Variants in CATSPERB observed in about 807,000 individuals in gnomAD.
CATSPERB encodes catsper channel auxiliary subunit beta, also known as cation channel sperm-associated auxiliary subunit beta.
Under a neutral mutation model 128.3 loss-of-function variants are expected in CATSPERB, and 93 were observed. The observed-to-expected ratio is 0.72, with a 90% confidence interval of 0.61 to 0.86. CATSPERB has a LOEUF of 0.86. Ranked by LOEUF, CATSPERB falls within the 40% of genes least tolerant of loss-of-function variation. CATSPERB has a pLI of 0.00. For synonymous variants in CATSPERB, 381 were observed against 448.8 expected (o/e 0.85, Z 1.91); for missense variants, 1,153 against 1,329.5 (o/e 0.87, Z 2.06).
At chr14:91,707,196 C>A (rs1037571047) in intron 6 of CATSPERB, among the ~76,000 whole-genome samples, 8 of 152,178 alleles carry the variant, frequency 5.3e-5, no homozygotes, top group African/African-American at 1.9e-4. Flanking sequence ...CAACACTAGT[C>A]TCCCTTTAGT....
chr14:91,626,533 A>C (rs1231910617), intron 17 of CATSPERB, among the ~76,000 whole-genome samples: 1 of 151,812 alleles, frequency 6.6e-6, no homozygotes, highest in African/African-American at 2.4e-5. Context: ...GGAGTGGGTT[A>C]ATTATTGTGT....
chr14:91,659,445 C>A (rs905537033), intron 15 of CATSPERB, among the ~76,000 whole-genome samples: 1 of 152,218 alleles, frequency 6.6e-6, no homozygotes, highest in African/African-American at 2.4e-5. Context: ...TCACACAACT[C>A]CACCATTACT....
chr14:91,583,614 T>C (rs968227739), intron 26 of CATSPERB, among the ~76,000 whole-genome samples: 3 of 152,234 alleles, frequency 2.0e-5, no homozygotes, highest in African/African-American at 7.2e-5. Context: ...TAAAAAACGT[T>C]AGACCTCAGA....
intron 2 of CATSPERB, among the ~76,000 whole-genome samples, chr14:91,726,048 A>T (rs1375787183): frequency 6.6e-6 from 1 of 152,178 alleles, no homozygotes; most frequent in Non-Finnish European, 1.5e-5. Flanking sequence ...GGGGAAGATC[A>T]TCTTCCCACA....
chr14:91,687,849 A>T (rs1895400568), intron 10 of CATSPERB, among the ~76,000 whole-genome samples: 1 of 151,722 alleles, frequency 6.6e-6, no homozygotes, highest in Non-Finnish European at 1.5e-5. Flanking sequence ...CAGCTACTCA[A>T]GAGACTGAGG....
chr14:91,677,344 A>C (rs143453215), intron 11 of CATSPERB, among the ~76,000 whole-genome samples: 4,546 of 152,314 alleles, frequency 0.03, 95 homozygotes, highest in Non-Finnish European at 0.045. Flanking sequence ...AGAATCTACA[A>C]GGAACTTAAA....
At chr14:91,605,156 G>A in intron 22 of CATSPERB, 1 of 1,381,798 alleles carries the variant, frequency 7.2e-7, no homozygotes. Context: ...CACGGAGGAA[G>A]GAAGAGGAGA....
intron 13 of CATSPERB, among the ~76,000 whole-genome samples, chr14:91,671,608 C>T (rs960620363): frequency 1.6e-5 from 2 of 126,846 alleles, no homozygotes; most frequent in Non-Finnish European, 3.5e-5. Context: ...CCCCAAAAAA[C>T]CAACCAACAA....
chr14:91,604,289 C>G (rs1893660616), intron 22 of CATSPERB: 1 of 696,680 alleles, frequency 1.4e-6, no homozygotes, highest in Non-Finnish European at 2.6e-6. Context: ...ATAATGGAAA[C>G]CAGAACATGT....
At chr14:91,591,517 G>A (rs1893401407) in intron 23 of CATSPERB, among the ~76,000 whole-genome samples, 1 of 151,458 alleles carries the variant, frequency 6.6e-6, no homozygotes, top group African/African-American at 2.4e-5. Flanking sequence ...TATATTCCAA[G>A]AACCTGATAC....
chr14:91,659,526 C>G (rs895535420), intron 15 of CATSPERB, among the ~76,000 whole-genome samples: 2 of 152,280 alleles, frequency 1.3e-5, no homozygotes, highest in African/African-American at 4.8e-5. Flanking sequence ...CAAAGTTGTT[C>G]TGAATATCAG....
intron 15 of CATSPERB, among the ~76,000 whole-genome samples, chr14:91,643,041 G>A (rs376418833): frequency 0.23 from 16,700 of 72,014 alleles, 1,827 homozygotes; most frequent in Middle Eastern, 0.3. Context: ...TATTTCTGTG[G>A]GATCGGTGGT....
At chr14:91,595,640 T>G (rs951185981) in intron 22 of CATSPERB, among the ~76,000 whole-genome samples, 3 of 152,184 alleles carry the variant, frequency 2.0e-5, no homozygotes, top group African/African-American at 7.2e-5. Flanking sequence ...ACAGGGACTG[T>G]GTACACAAAA....
intron 14 of CATSPERB, 28 bp downstream of exon 14, chr14:91,669,784 AAC>A (rs771062029): frequency 6.3e-7 from 1 of 1,589,828 alleles, no homozygotes. Flanking sequence ...ATTTAACTCT[AAC>A]ACAGACTGAA....
At chr14:91,692,278 G>T (rs933329106) in intron 9 of CATSPERB, among the ~76,000 whole-genome samples, 2 of 151,432 alleles carry the variant, frequency 1.3e-5, no homozygotes, top group African/African-American at 2.4e-5. Flanking sequence ...TTTCTCCTTT[G>T]CCACTCTGTT....
At position 91,680,757 on chromosome 14, in the gene CATSPERB, A is replaced by C. The variant is rs867081263; in HGVS notation, c.931+3120T>G. 2.9e-4 allele frequency among the ~76,000 whole-genome samples: 44 copies of C among 152,274 alleles called. 1 individual carries two copies. Among genetic ancestry groups the C allele is most frequent in the Middle Eastern group, 6.8e-3 (2 of 294 alleles). On this transcript the variant is annotated intron_variant, in intron 11 of 26. Transcript: ENST00000256343. ...TACTGCCTCTGGCATATCTTTACCA[A>C]AAAAGAGGAAATATAAACCAAAAAA...
chr14:91,676,477 A>G (rs1274204040), intron 11 of CATSPERB, among the ~76,000 whole-genome samples: 1 of 152,118 alleles, frequency 6.6e-6, no homozygotes, highest in African/African-American at 2.4e-5. Context: ...TCACATGGTT[A>G]ATTTGCAACT....
At chr14:91,593,263 T>A (rs574008909) in intron 22 of CATSPERB, among the ~76,000 whole-genome samples, 2 of 152,320 alleles carry the variant, frequency 1.3e-5, no homozygotes, top group South Asian at 4.1e-4. Context: ...CACTGCCTAG[T>A]GGAGCTGTGA....
chr14:91,594,785 T>A (rs570108143), intron 22 of CATSPERB, among the ~76,000 whole-genome samples: 1 of 152,166 alleles, frequency 6.6e-6, no homozygotes, highest in Non-Finnish European at 1.5e-5. Flanking sequence ...GAAAAATCAA[T>A]ATAGGCCACA....
Sources: allele counts gnomAD v4.1 joint callset (sites outside exome capture counted in the v4.1 genomes callset), GRCh38; gene constraint gnomAD v4.1.1; transcripts MANE v1.5; gene names NCBI Gene and HGNC (gene_info 2026-07-23, HGNC 2026-07-21).